The following AANAT variants were observed in gnomAD, a reference collection of about 807,000 sequenced individuals.
AANAT encodes aralkylamine N-acetyltransferase.
Under a neutral mutation model 15.6 loss-of-function variants are expected in AANAT, and 11 were observed. The ratio of observed to expected loss-of-function variants is 0.71; its 90% CI spans 0.44 to 1.17. The LOEUF is 1.17. Among genes scored for constraint, AANAT ranks in the 50% most tolerant of loss-of-function variants. The pLI, the probability that AANAT is intolerant of heterozygous loss-of-function variation, is 0.00. For missense variants in AANAT, 286 were observed against 296.3 expected (o/e 0.97, Z 0.26); for synonymous variants, 139 against 131.5 (o/e 1.06, Z -0.39).
At chr17:76,468,263 T>C (rs1244991724) in intron 1 of AANAT, among the ~76,000 whole-genome samples, 1 of 152,176 alleles carries the variant, frequency 6.6e-6, no homozygotes, top group Admixed American at 6.5e-5. Flanking sequence ...GCCCACCCAC[T>C]GCACAGTTGC....
At chr17:76,464,162 G>A (rs530215586), upstream of AANAT, among the ~76,000 whole-genome samples, 2 of 152,202 alleles carry the variant, frequency 1.3e-5, no homozygotes, top group Admixed American at 6.5e-5. Flanking sequence ...CCAATATGGC[G>A]AAAGCCCATC....
At chr17:76,464,791 ATC>A (rs2073421127), upstream of AANAT, among the ~76,000 whole-genome samples, 1 of 121,450 alleles carries the variant, frequency 8.2e-6, no homozygotes, top group African/African-American at 2.7e-5. Context: ...CCCTGTCTGT[ATC>A]TATATATTTT....
At chr17:76,454,023 T>G (rs2073311125) in intron 1 of AANAT, among the ~76,000 whole-genome samples, 1 of 152,210 alleles carries the variant, frequency 6.6e-6, no homozygotes. Context: ...GCAATACTCA[T>G]CTCATTGGGC....
At chr17:76,465,961 C>G (rs1034745792), upstream of AANAT, 2 of 562,440 alleles carry the variant, frequency 3.6e-6, no homozygotes, top group Non-Finnish European at 6.5e-6. Context: ...GCCATCCTCC[C>G]GTCTCTGTCT....
At chr17:76,459,907 C>T (rs1244534005) in intron 2 of AANAT, among the ~76,000 whole-genome samples, 1 of 152,188 alleles carries the variant, frequency 6.6e-6, no homozygotes, top group Admixed American at 6.5e-5. Context: ...CTCACCAGGC[C>T]CCAGGCCGTC....
chr17:76,454,826 A>C (rs1470697591), intron 1 of AANAT, among the ~76,000 whole-genome samples: 3 of 151,840 alleles, frequency 2.0e-5, no homozygotes, highest in Non-Finnish European at 2.9e-5. Context: ...CTGTCTCAAA[A>C]AACAAAAAAC....
chr17:76,455,817 C>A (rs1236433659), intron 1 of AANAT, among the ~76,000 whole-genome samples: 2 of 151,914 alleles, frequency 1.3e-5, no homozygotes, highest in Non-Finnish European at 1.5e-5. Context: ...AGTTCAAGAG[C>A]ACCCTGGCCA....
upstream of AANAT, among the ~76,000 whole-genome samples, chr17:76,466,930 C>T (rs555820758): frequency 6.6e-6 from 1 of 152,258 alleles, no homozygotes; most frequent in South Asian, 2.1e-4. Flanking sequence ...CTCCAGGACC[C>T]CCAGGAGCCC....
chr17:76,468,518 C>T, intron 1 of AANAT, 154 bp from the exon 2 acceptor site: 1 of 655,406 alleles, frequency 1.5e-6, no homozygotes, highest in Non-Finnish European at 2.6e-6. Flanking sequence ...TGCCTGGTAA[C>T]AGCCTCGGGG....
chr17:76,462,562 C>T (rs2073399053), intron 3 of AANAT: 1 of 152,310 alleles, frequency 6.6e-6, no homozygotes, highest in African/African-American at 2.4e-5. Context: ...CATCACGGCT[C>T]AGCTTCCACT....
intron 2 of AANAT, among the ~76,000 whole-genome samples, chr17:76,459,707 T>C (rs532318732): frequency 6.6e-6 from 1 of 152,378 alleles, no homozygotes. Context: ...TATTTTACTC[T>C]CTAAGCCTCA....
At chr17:76,460,175 GTCTC>G (rs2073375366) in intron 2 of AANAT, among the ~76,000 whole-genome samples, 1 of 100,960 alleles carries the variant, frequency 9.9e-6, no homozygotes, top group Non-Finnish European at 1.9e-5. Context: ...TTGAGACAGA[GTCTC>G]TCTCTGTTGC....
At position 76,469,726 on chromosome 17, in the gene AANAT, A is replaced by C; in HGVS notation, c.380A>C (p.His127Pro). Residue 127 changes from histidine to proline, a missense_variant, in exon 4 of 4, where the codon CAC (histidine) becomes CCC (proline). By Grantham distance (77) the His-to-Pro change is moderately conservative (BLOSUM62 -2). Transcript: ENST00000392492. This position sits in a 1 kb window ranked among gnomAD's most constrained non-coding sequence, Gnocchi z 5.2. ...GCCCACCTGCATGTGCTGGCCGTGC[A>C]CCGCGCCTTCCGGCAGCAGGGCAGG... ...HIAHLHVLAV[H>P]RAFRQQGRGP... 1 of 1,553,804 alleles carries C rather than the reference A, an allele frequency of 6.4e-7. No individual in the cohort carries two copies. Among genetic ancestry groups the C allele is most frequent in the Non-Finnish European group, 8.7e-7 (1 of 1,149,062 alleles).
intron 1 of AANAT, among the ~76,000 whole-genome samples, chr17:76,458,920 T>G (rs1379410345): frequency 6.6e-6 from 1 of 151,952 alleles, no homozygotes; most frequent in Admixed American, 6.6e-5. Flanking sequence ...CACACCCTCA[T>G]GTGGCTGGCT....
At chr17:76,460,130 ATTTTTTTTTTTTTTTTTTTT>A (rs556197358) in intron 2 of AANAT, among the ~76,000 whole-genome samples, 4 of 88,002 alleles carry the variant, frequency 4.5e-5, no homozygotes, top group East Asian at 4.4e-4. Flanking sequence ...ACTTCAGGAA[ATTTTTTTTTTTTTTTTTTTT>A]TTTTTTTTTT....
chr17:76,468,648 C>T (rs2073467174), intron 1 of AANAT, 24 bp from the exon 2 acceptor site: 1 of 1,528,360 alleles, frequency 6.5e-7, no homozygotes, highest in South Asian at 1.2e-5. Context: ...GATGAGACCC[C>T]TGTCCCTTGC....
At chr17:76,466,163 A>AGGGG, upstream of AANAT, 1 of 1,536,798 alleles carries the variant, frequency 6.5e-7, no homozygotes. Flanking sequence ...ATTGGCCACC[A>AGGGG]GGGGGTGCCA....
intron 1 of AANAT, among the ~76,000 whole-genome samples, chr17:76,454,687 G>A (rs914860179): frequency 4.5e-4 from 69 of 152,026 alleles, no homozygotes; most frequent in African/African-American, 1.6e-3. Context: ...GCTGGGCGTG[G>A]TGGTGTGCAC....
At chr17:76,467,263 G>T (rs888281144), upstream of AANAT, among the ~76,000 whole-genome samples, 12 of 152,092 alleles carry the variant, frequency 7.9e-5, no homozygotes, top group African/African-American at 2.9e-4. Context: ...TGCACAAATT[G>T]GTAGCTTGAA....
Sources: allele counts gnomAD v4.1 joint callset (sites outside exome capture counted in the v4.1 genomes callset), GRCh38; gene constraint gnomAD v4.1.1; non-coding constraint Gnocchi (gnomAD v3.1); transcripts MANE v1.5; gene names NCBI Gene and HGNC (gene_info 2026-07-23, HGNC 2026-07-21).